The following TAF6 variants were observed in gnomAD, a reference collection of about 807,000 sequenced individuals.
TAF6 encodes transcription initiation factor TFIID subunit 6.
In TAF6, 50 loss-of-function variants were observed where a neutral mutation model predicts 73.5. The observed-to-expected ratio is 0.68, with a 90% CI of 0.54 to 0.86. The LOEUF (loss-of-function observed/expected upper bound fraction) is 0.86, where lower values mean the gene tolerates loss of function less well. Ranked by LOEUF, TAF6 falls within the 40% of genes least tolerant of loss-of-function variation. The pLI is 0.00. For synonymous variants in TAF6, 424 were observed against 376.7 expected (o/e 1.13, Z -1.45); for missense variants, 768 against 899.5 (o/e 0.85, Z 1.87).
Position 100,111,809 on chromosome 7 carries a change from C to G in TAF6, c.819G>C (p.Gln273His), listed in dbSNP as rs765484348. ...ISEGVRVNVV[Q>H]NNLALLIYLM... is the part of the protein sequence containing the mutation. Reference sequence around the variant, plus strand: ...GGTAGATGAGTAGGGCCAGGTTGTTCTGAACCACGTTCACACGGACCTGTG... The same window carrying G: ...GGTAGATGAGTAGGGCCAGGTTGTTGTGAACCACGTTCACACGGACCTGTG... The change falls in exon 9 of 15, where the codon CAG becomes CAC. Residue 273 changes from glutamine (Q) to histidine (H), a missense_variant. This residue lies in a region of TAF6 where 78 missense variants were observed against 153.4 expected (regional missense o/e 0.51). Coordinates refer to ENST00000453269, the MANE Select transcript of TAF6 (RefSeq NM_139315.3). The G allele has an allele frequency of 4.3e-6, 7 of 1,614,116 alleles. No individual in the cohort carries two copies. The highest frequency in any genetic ancestry group is 5.9e-6 in the Non-Finnish European group (7 of 1,180,054).
upstream of TAF6, among the ~76,000 whole-genome samples, chr7:100,123,638 A>G (rs1355043239): frequency 6.6e-6 from 1 of 151,712 alleles, no homozygotes; most frequent in Non-Finnish European, 1.5e-5. Context: ...CTCCTGCTTC[A>G]GCCTCCCGAG....
At chr7:100,113,305 G>A in intron 5 of TAF6, 44 bp downstream of exon 5, 1 of 1,521,204 alleles carries the variant, frequency 6.6e-7, no homozygotes, top group Non-Finnish European at 8.9e-7. Flanking sequence ...TGGAAGGAAG[G>A]GGAAAGGGAC....
In TAF6 at chr7:100,114,363, C is replaced by T. The variant is rs781316239; in HGVS notation, c.-59-95G>A. 58 of 1,246,056 alleles carry T rather than the reference C, an allele frequency of 4.7e-5. No individual in the cohort carries two copies. In the South Asian group the frequency reaches 6.3e-4, roughly 13 times the overall value. The allele number at this position is 1,246,056 out of a possible 1,614,324, so 77.2% of individuals were successfully genotyped here. ...GACAGTGGAGACAGGGGAGGAACTCCGAGTGTCTTATGTCCATCCCCACGT... is the reference window on the plus strand; with the variant it reads ...GACAGTGGAGACAGGGGAGGAACTCTGAGTGTCTTATGTCCATCCCCACGT... On this transcript the variant is annotated intron_variant, in intron 1 of 14. Transcript: ENST00000453269.
intron 5 of TAF6, 37 bp from the exon 6 acceptor site, chr7:100,112,954 G>C (rs1349974894): frequency 2.6e-6 from 4 of 1,541,154 alleles, no homozygotes; most frequent in Non-Finnish European, 3.5e-6. Context: ...GGGGTGATGA[G>C]CATAGTAGAA....
At chr7:100,107,791 A>G in intron 14 of TAF6, 135 bp downstream of exon 14, 1 of 1,388,248 alleles carries the variant, frequency 7.2e-7, no homozygotes, top group Non-Finnish European at 9.7e-7. Context: ...ACAGCCCTGC[A>G]GGACCCTGGT....
rs1796799996 is a variant in TAF6, at chr7:100,108,457, C to A, written c.1368G>T (p.Gly456=). The change falls in exon 13 of 15, where the codon GGG becomes GGT. Residue 456 remains glycine, a synonymous_variant. Transcript: ENST00000453269. ...TGACCACCTGGGAGCAGAGGAGGGG[C>A]CCAAGGGACCCGAATTCTGCCCGAT... ...DAYRAEFGSL[G]PLLCSQVVKA... The A allele has an allele frequency of 1.9e-6, 3 of 1,613,992 alleles. No individual in the cohort carries two copies. In the African/African-American group the frequency reaches 4.0e-5, roughly 22 times the overall value.
intron 1 of TAF6, chr7:100,118,916 G>A (rs1440956191): frequency 6.1e-6 from 6 of 985,204 alleles, no homozygotes; most frequent in Middle Eastern, 5.2e-4. Context: ...AGGGGGTCGT[G>A]TCCCACTTCC....
rs1416745351 is a variant in TAF6 at position 100,113,866 on chromosome 7, A to C, written c.243+2T>G. 6.2e-7 allele frequency: 1 copy of C among 1,611,112 alleles called. No individual in the cohort carries two copies. Among genetic ancestry groups the C allele is most frequent in the East Asian group, 2.2e-5 (1 of 44,774 alleles). On this transcript the variant is annotated splice_donor_variant, in intron 3 of 14. Coordinates refer to ENST00000453269, the MANE Select transcript of TAF6 (RefSeq NM_139315.3). LOFTEE classifies it high-confidence loss of function. ...CCCCCCCCGCCTGTCTCCCCAAATC[A>C]CCTCGACATTCTTTAGCTTCAAGGC...
chr7:100,107,080 C>A lies in TAF6; in HGVS notation c.*166G>T. The A allele has an allele frequency of 2.3e-6, 3 of 1,285,866 alleles. No homozygotes were observed. The highest frequency in any genetic ancestry group is 2.8e-5 in the South Asian group (2 of 71,980). The allele number at this position is 1,285,866 out of a possible 1,614,324, so 79.7% of individuals were successfully genotyped here. A position where few individuals can be genotyped will look rare whatever the true frequency, so the allele number is the denominator to read the frequency against. On this transcript the variant is annotated 3_prime_UTR_variant, in exon 15 of 15. Coordinates refer to ENST00000453269, the MANE Select transcript of TAF6 (RefSeq NM_139315.3). Reference sequence around the variant, plus strand: ...AAGGACTGCAGTGGATCAGAACTTACAAACCAAACTTTTATTCTGAGAAAC... The same window carrying A: ...AAGGACTGCAGTGGATCAGAACTTAAAAACCAAACTTTTATTCTGAGAAAC...
the TAF6 span, chr7:100,125,648 C>CACACAA: frequency 6.6e-6 from 1 of 152,160 alleles, no homozygotes; most frequent in African/African-American, 2.4e-5. Flanking sequence ...TCTACACACA[C>CACACAA]ACACACACAC....
the TAF6 span, chr7:100,127,152 A>G: frequency 6.0e-6 from 3 of 503,084 alleles, no homozygotes; most frequent in South Asian, 7.4e-5. This position sits in a 1 kb window ranked among gnomAD's most constrained non-coding sequence, Gnocchi z 4.6. Flanking sequence ...CGCGAACGGA[A>G]TGGGGCGGGG....
intron 1 of TAF6, 84 bp downstream of exon 1, chr7:100,119,120 C>G (rs1797924826): frequency 4.1e-6 from 4 of 986,458 alleles, no homozygotes; most frequent in South Asian, 4.6e-5. Context: ...AAAGGAGGTT[C>G]AGAGAGCCCA....
chr7:100,110,220 A>C lies in TAF6; in HGVS notation c.1138T>G (p.Leu380Val), dbSNP rs745645303. ...CTAACATCGTGTCCCAGCTCAGCCA[A>C]GCCTGCGATGGAGCCATAACGAGTC... ...WTTRYGSIAG[L>V]AELGHDVIKT... Residue 380 changes from leucine (L) to valine (V), a missense_variant, in exon 11 of 15, where the codon TTG (leucine) becomes GTG (valine). Transcript: ENST00000453269. 1 of 1,614,132 alleles carries C rather than the reference A, an allele frequency of 6.2e-7. No homozygotes were observed. Among genetic ancestry groups the C allele is most frequent in the Non-Finnish European group, 8.5e-7 (1 of 1,180,004 alleles).
Position 100,108,082 on chromosome 7 carries a change from G to A in TAF6, c.1500C>T (p.Gly500=), listed in dbSNP as rs1796738454. The change falls in exon 14 of 15, where the codon GGC becomes GGT. Residue 500 remains glycine (G), a synonymous_variant. Transcript: ENST00000453269. ...TLTLSQAPQP[G]PRTPGLLKVP... is the part of the protein sequence containing the mutation. ...CCTTCAGCAAGCCAGGGGTGCGAGG[G>A]CCAGGCTGTGGGGCCTGCGAGAGGG... is the stretch of plus-strand genomic sequence containing the variant. 6.2e-7 allele frequency: 1 copy of A among 1,610,780 alleles called. No individual in the cohort carries two copies. The highest frequency in any genetic ancestry group is 1.7e-5 in the Admixed American group (1 of 59,376).
chr7:100,119,669 C>A, upstream of TAF6: 4 of 1,611,778 alleles, frequency 2.5e-6, no homozygotes, highest in Non-Finnish European at 3.4e-6. Flanking sequence ...CGCTAGCCGC[C>A]TGGGAATTTA....
chr7:100,110,118 G>A, intron 11 of TAF6, 45 bp from the exon 12 acceptor site: 3 of 1,613,888 alleles, frequency 1.9e-6, no homozygotes, highest in South Asian at 1.1e-5. Context: ...GGGTCACCAG[G>A]GTCTCCCAGA....
chr7:100,113,286 A>G (rs1236040826), intron 5 of TAF6, 63 bp downstream of exon 5: 7 of 1,466,664 alleles, frequency 4.8e-6, no homozygotes, highest in South Asian at 2.7e-5. Context: ...CTGTCTCAAA[A>G]AAAAAAGGTG....
upstream of TAF6, among the ~76,000 whole-genome samples, chr7:100,123,645 C>T (rs57607141): frequency 6.6e-6 from 1 of 152,036 alleles, no homozygotes; most frequent in South Asian, 2.1e-4. Flanking sequence ...TTCAGCCTCC[C>T]GAGTAGCTGG....
At chr7:100,121,116 A>ATATATATATATTTTTTT (rs1584585316), upstream of TAF6, 1 of 52,778 alleles carries the variant, frequency 1.9e-5, no homozygotes, top group Non-Finnish European at 3.2e-5. Flanking sequence ...ATATATATAT[A>ATATATATATATTTTTTT]TTTTTTTTTT....
Sources: gnomAD v4.1 joint callset for allele counts (sites outside exome capture counted in the v4.1 genomes callset) on GRCh38, gnomAD v4.1.1 for gene constraint, gnomAD v4.1.1 regional missense constraint, Gnocchi (gnomAD v3.1) non-coding constraint, MANE v1.5 for transcripts, NCBI Gene and HGNC (gene_info 2026-07-23, HGNC 2026-07-21) for gene names.